CRISPLD2: variants seen among roughly 807,000 people sequenced by gnomAD.
The protein encoded by CRISPLD2 is cysteine rich secretory protein LCCL domain containing 2.
A neutral mutation model predicts 71.1 loss-of-function variants in CRISPLD2; 47 were observed. That is an observed-to-expected ratio of 0.66 (90% CI 0.52 to 0.84). The LOEUF is 0.84. Among genes scored for constraint, CRISPLD2 ranks in the 40% least tolerant of loss-of-function variants. The pLI is 0.00. For missense variants in CRISPLD2, 830 were observed against 651.1 expected, an observed-to-expected ratio of 1.27 and a Z score of -2.99; for synonymous variants, 317 against 250.1, an observed-to-expected ratio of 1.27 and a Z score of -2.52.
intron 12 of CRISPLD2, among the ~76,000 whole-genome samples, chr16:84,878,633 C>G (rs1394471166): frequency 1.3e-5 from 2 of 152,172 alleles, no homozygotes; most frequent in East Asian, 3.9e-4. Flanking sequence ...GACGATGCCT[C>G]CCAGCATAAA....
At chr16:84,877,411 C>G in intron 11 of CRISPLD2, 27 bp from the exon 12 acceptor site, 1 of 1,610,392 alleles carries the variant, frequency 6.2e-7, no homozygotes, top group African/African-American at 1.3e-5. Flanking sequence ...TGGGACCTGA[C>G]CCTTTCCCCC....
chr16:84,859,398 A>G (rs1917324716), intron 6 of CRISPLD2, among the ~76,000 whole-genome samples: 1 of 152,134 alleles, frequency 6.6e-6, no homozygotes, highest in African/African-American at 2.4e-5. Flanking sequence ...AGTCCCCAAA[A>G]TGTCTGATCA....
At chr16:84,886,475 T>G (rs1020136480) in intron 13 of CRISPLD2, among the ~76,000 whole-genome samples, 1 of 152,106 alleles carries the variant, frequency 6.6e-6, no homozygotes. Flanking sequence ...ACTTCTGCAA[T>G]GGCTCCCTGA....
At position 84,908,877 on chromosome 16, in the gene CRISPLD2, T is replaced by TG. The variant is rs1489230450; in HGVS notation, c.*2239dup. Reference sequence around the variant, plus strand: ...CTAATTTTTGTATTTTTAGTAGAGATGGGGTTTCATTATGTTGGCCAGGCT... The same window carrying TG: ...CTAATTTTTGTATTTTTAGTAGAGATGGGGGTTTCATTATGTTGGCCAGGCT... On this transcript the variant is annotated 3_prime_UTR_variant, in exon 15 of 15. Transcript: ENST00000262424. 1 of 151,886 alleles carries TG rather than the reference T, an allele frequency of 6.6e-6. No homozygotes were observed. The highest frequency in any genetic ancestry group is 1.5e-5 in the Non-Finnish European group (1 of 67,992). The allele number at this position is 151,886 out of a possible 1,614,324, so 9.4% of individuals were successfully genotyped here.
At chr16:84,843,560 A>T (rs575215217) in intron 2 of CRISPLD2, among the ~76,000 whole-genome samples, 18 of 152,304 alleles carry the variant, frequency 1.2e-4, no homozygotes, top group African/African-American at 4.3e-4. Flanking sequence ...CTTTCTGTTT[A>T]TATTTCCTCA....
At chr16:84,820,535 C>T (rs1916208076) in intron 1 of CRISPLD2, among the ~76,000 whole-genome samples, 9 of 152,182 alleles carry the variant, frequency 5.9e-5, no homozygotes, top group Admixed American at 5.2e-4. Flanking sequence ...ATGTGTCCTA[C>T]TCATGTCTGG....
At chr16:84,831,895 T>C (rs1287421459) in intron 1 of CRISPLD2, among the ~76,000 whole-genome samples, 1 of 152,132 alleles carries the variant, frequency 6.6e-6, no homozygotes, top group Non-Finnish European at 1.5e-5. Flanking sequence ...CCACCACACC[T>C]GGCTAAGGTT....
At chr16:84,848,911 G>A (rs1009784910) in intron 3 of CRISPLD2, among the ~76,000 whole-genome samples, 4 of 151,570 alleles carry the variant, frequency 2.6e-5, no homozygotes, top group Admixed American at 6.6e-5. Flanking sequence ...GCGTGAACCC[G>A]GGAGGCGGAG....
intron 14 of CRISPLD2, among the ~76,000 whole-genome samples, chr16:84,895,382 A>G (rs2071697388): frequency 1.3e-5 from 2 of 152,176 alleles, no homozygotes; most frequent in South Asian, 2.1e-4. Flanking sequence ...GAATGCCAAG[A>G]TATACTTGTT....
chr16:84,840,367 G>T (rs955246727), intron 2 of CRISPLD2, among the ~76,000 whole-genome samples: 2 of 152,192 alleles, frequency 1.3e-5, no homozygotes, highest in Non-Finnish European at 2.9e-5. Context: ...GAAAACTGAG[G>T]CTCAGAGAGG....
intron 6 of CRISPLD2, among the ~76,000 whole-genome samples, chr16:84,862,098 T>C (rs1011775819): frequency 2.6e-5 from 4 of 152,164 alleles, no homozygotes; most frequent in African/African-American, 9.7e-5. Context: ...GGCCTCCCCT[T>C]TATGCATGTG....
chr16:84,843,182 A>C (rs1197676580), intron 2 of CRISPLD2, among the ~76,000 whole-genome samples: 1 of 152,132 alleles, frequency 6.6e-6, no homozygotes, highest in Non-Finnish European at 1.5e-5. Context: ...CTGAGCCTTC[A>C]TGGATGCTAC....
intron 11 of CRISPLD2, 92 bp downstream of exon 11, chr16:84,874,055 T>G: frequency 8.7e-7 from 1 of 1,149,036 alleles, no homozygotes; most frequent in Non-Finnish European, 1.3e-6. Context: ...GATTTAATGT[T>G]TATCATGCGT....
intron 1 of CRISPLD2, among the ~76,000 whole-genome samples, chr16:84,837,924 G>A (rs1190946745): frequency 6.6e-6 from 1 of 152,188 alleles, no homozygotes; most frequent in African/African-American, 2.4e-5. Flanking sequence ...GGCCCGGGGC[G>A]AGGGCCGTGA....
chr16:84,896,952 C>T (rs566207607), intron 14 of CRISPLD2, among the ~76,000 whole-genome samples: 1 of 152,328 alleles, frequency 6.6e-6, no homozygotes, highest in East Asian at 1.9e-4. Context: ...ACCGGCCGTC[C>T]ACCCTCCTTA....
intron 6 of CRISPLD2, among the ~76,000 whole-genome samples, chr16:84,860,926 G>A (rs1426025627): frequency 1.3e-5 from 2 of 152,178 alleles, no homozygotes; most frequent in Admixed American, 1.3e-4. Context: ...GAAGCCGGAA[G>A]TTAGAATCCC....
chr16:84,858,151 C>A (rs928585128), intron 6 of CRISPLD2, among the ~76,000 whole-genome samples: 12 of 152,182 alleles, frequency 7.9e-5, no homozygotes, highest in African/African-American at 2.9e-4. Context: ...CCAGAGGCTC[C>A]AAACAGCATC....
At chr16:84,845,647 T>G in intron 2 of CRISPLD2, 139 bp from the exon 3 acceptor site, 1 of 663,246 alleles carries the variant, frequency 1.5e-6, no homozygotes, top group Non-Finnish European at 2.6e-6. Context: ...CCCTGGCTGA[T>G]TTAGGAACCC....
intron 14 of CRISPLD2, among the ~76,000 whole-genome samples, chr16:84,905,794 C>T (rs889577221): frequency 2.0e-5 from 3 of 151,492 alleles, no homozygotes; most frequent in Non-Finnish European, 4.4e-5. Context: ...ACTGCATCCT[C>T]CGCCTCCCAG....
Sources: allele counts gnomAD v4.1 joint callset (sites outside exome capture counted in the v4.1 genomes callset), GRCh38; gene constraint gnomAD v4.1.1; transcripts MANE v1.5; gene names NCBI Gene and HGNC (gene_info 2026-07-23, HGNC 2026-07-21).